PPP2R2B: variants seen among roughly 807,000 people sequenced by gnomAD.
PPP2R2B encodes the protein serine/threonine-protein phosphatase 2A 55 kDa regulatory subunit B beta isoform.
In PPP2R2B, 5 loss-of-function variants were observed where a neutral mutation model predicts 46.0. The observed-to-expected ratio is 0.11, with a 90% CI of 0.06 to 0.23. The LOEUF (loss-of-function observed/expected upper bound fraction) is 0.23. Ranked by LOEUF, PPP2R2B falls within the 10% of genes least tolerant of loss-of-function variation. The probability of loss-of-function intolerance (pLI) is 1.00; values close to 1 mark genes in which losing one functional copy is unlikely to be tolerated. For missense variants in PPP2R2B, 367 were observed against 575.0 expected (o/e 0.64, Z 3.70); for synonymous variants, 215 against 206.7 (o/e 1.04, Z -0.34).
At chr5:146,963,191 G>GGTATC (rs1160492832) in intron 1 of PPP2R2B, among the ~76,000 whole-genome samples, 1 of 152,110 alleles carries the variant, frequency 6.6e-6, no homozygotes, top group African/African-American at 2.4e-5. Flanking sequence ...GTTATAACCT[G>GGTATC]GTATCAAATC....
At chr5:147,059,883 C>T (rs140341468), upstream of PPP2R2B, among the ~76,000 whole-genome samples, 7 of 152,286 alleles carry the variant, frequency 4.6e-5, no homozygotes, top group East Asian at 1.4e-3. Flanking sequence ...TGCCTGTTTT[C>T]ACTGGTTCCA....
intron 2 of PPP2R2B, among the ~76,000 whole-genome samples, chr5:146,798,568 C>A (rs909278055): frequency 6.6e-6 from 1 of 152,146 alleles, no homozygotes; most frequent in Non-Finnish European, 1.5e-5. Flanking sequence ...ATTATAAGTA[C>A]TTTACAAAAA....
At chr5:146,962,237 A>G (rs1182261557) in intron 1 of PPP2R2B, among the ~76,000 whole-genome samples, 2 of 150,722 alleles carry the variant, frequency 1.3e-5, no homozygotes, top group African/African-American at 4.9e-5. Flanking sequence ...CAAATTGATC[A>G]TGCCAACTCT....
chr5:146,932,733 GGT>G (rs1764008798), intron 1 of PPP2R2B, among the ~76,000 whole-genome samples: 2 of 152,280 alleles, frequency 1.3e-5, no homozygotes, highest in African/African-American at 4.8e-5. Flanking sequence ...TAGTGGCCCA[GGT>G]GGCTGAATCT....
At chr5:147,008,671 AC>A (rs1328178190) in intron 1 of PPP2R2B, among the ~76,000 whole-genome samples, 7 of 151,862 alleles carry the variant, frequency 4.6e-5, no homozygotes, top group Admixed American at 2.0e-4. Flanking sequence ...CCTCAACCCC[AC>A]CCCCCACTCC....
intron 1 of PPP2R2B, among the ~76,000 whole-genome samples, chr5:146,980,449 A>G (rs1753117018): frequency 6.6e-6 from 1 of 152,188 alleles, no homozygotes; most frequent in African/African-American, 2.4e-5. Context: ...CAGAAGGGAA[A>G]TCTGATCACT....
intron 2 of PPP2R2B, among the ~76,000 whole-genome samples, chr5:146,778,507 A>G (rs1205584257): frequency 6.6e-6 from 1 of 152,180 alleles, no homozygotes; most frequent in African/African-American, 2.4e-5. Context: ...AGCTATTGCC[A>G]GTGTTGTCAC....
chr5:146,829,692 T>C (rs1758804593), intron 2 of PPP2R2B, among the ~76,000 whole-genome samples: 1 of 152,188 alleles, frequency 6.6e-6, no homozygotes, highest in Non-Finnish European at 1.5e-5. Context: ...TAAGGTTTCA[T>C]ACAGGTGGGT....
At chr5:147,061,316 T>C (rs551646249) in intron 2 of PPP2R2B, among the ~76,000 whole-genome samples, 1 of 152,228 alleles carries the variant, frequency 6.6e-6, no homozygotes, top group African/African-American at 2.4e-5. Flanking sequence ...TGCTTGATGG[T>C]CAGGGAAGGC....
intron 5 of PPP2R2B, 27 bp from the exon 6 acceptor site, chr5:146,650,751 T>G (rs1775897704): frequency 1.3e-5 from 21 of 1,599,962 alleles, no homozygotes; most frequent in Middle Eastern, 3.4e-4. Flanking sequence ...ACAAATCACT[T>G]CAGAACCAAA....
intron 7 of PPP2R2B, among the ~76,000 whole-genome samples, chr5:146,616,355 C>A (rs1773168551): frequency 6.6e-6 from 1 of 152,254 alleles, no homozygotes; most frequent in South Asian, 2.1e-4. Context: ...ACCCCGCAAG[C>A]ACAAGCAACC....
intron 6 of PPP2R2B, 46 bp from the exon 7 acceptor site, chr5:146,638,461 A>C: frequency 6.6e-7 from 1 of 1,526,322 alleles, no homozygotes; most frequent in Non-Finnish European, 8.9e-7. Context: ...GGAGGCAGGA[A>C]CTTGGGGAAG....
chr5:146,731,757 A>G (rs949505655), intron 2 of PPP2R2B, among the ~76,000 whole-genome samples: 2 of 152,236 alleles, frequency 1.3e-5, no homozygotes, highest in Admixed American at 1.3e-4. Flanking sequence ...ACTGCCTGAC[A>G]TCTGATAAAT....
chr5:146,765,119 G>C (rs914206041), intron 2 of PPP2R2B, among the ~76,000 whole-genome samples: 1 of 152,166 alleles, frequency 6.6e-6, no homozygotes, highest in Non-Finnish European at 1.5e-5. Flanking sequence ...AATCAGTGAA[G>C]ATTTCTTATA....
chr5:146,902,030 T>A (rs571190951), intron 1 of PPP2R2B, among the ~76,000 whole-genome samples: 5 of 152,286 alleles, frequency 3.3e-5, no homozygotes, highest in African/African-American at 1.2e-4. Flanking sequence ...AAAAAATCTC[T>A]GAAGAGCTGA....
chr5:147,026,907 C>G (rs1755551582), intron 1 of PPP2R2B, among the ~76,000 whole-genome samples: 1 of 152,130 alleles, frequency 6.6e-6, no homozygotes, highest in Non-Finnish European at 1.5e-5. Context: ...TATGCACTAA[C>G]CACATGACCC....
At chr5:146,626,867 T>C (rs1398218868) in intron 7 of PPP2R2B, among the ~76,000 whole-genome samples, 1 of 152,188 alleles carries the variant, frequency 6.6e-6, no homozygotes, top group African/African-American at 2.4e-5. Flanking sequence ...CTTCCAAAAT[T>C]AATAAGCCTT....
At position 146,698,128 on chromosome 5, in the gene PPP2R2B, T is replaced by C; in HGVS notation, c.185A>G (p.His62Arg). The C allele has an allele frequency of 6.3e-7, 1 of 1,595,770 alleles. No individual in the cohort carries two copies. The highest frequency in any genetic ancestry group is 8.5e-7 in the Non-Finnish European group (1 of 1,174,046). ...GTAAACATTGTATTCACCCCTACGA[T>C]GAACCTGATTTTTACTCTGTAGGAA... Reference protein sequence around the residue: ...QREQESKNQVHRRGEYNVYST... With the variant: ...QREQESKNQVRRRGEYNVYST... The change falls in exon 4 of 10, where the codon CAT (histidine) becomes CGT (arginine). Residue 62 changes from histidine to arginine, a missense_variant. Around this residue, in one of 2 missense-constraint regions of PPP2R2B, gnomAD observed 361 missense variants for 545.5 expected, o/e 0.66. Transcript: ENST00000394411.
chr5:146,918,866 A>G (rs1763490981), intron 1 of PPP2R2B, among the ~76,000 whole-genome samples: 1 of 152,210 alleles, frequency 6.6e-6, no homozygotes, highest in Non-Finnish European at 1.5e-5. Context: ...AAAAGAGGAA[A>G]AACTCTTTTG....
Sources: allele counts gnomAD v4.1 joint callset (sites outside exome capture counted in the v4.1 genomes callset), GRCh38; gene constraint gnomAD v4.1.1; regional missense constraint gnomAD v4.1.1; transcripts MANE v1.5; gene names NCBI Gene and HGNC (gene_info 2026-07-23, HGNC 2026-07-21).